The following CCDC148 variants were observed in gnomAD, a reference collection of about 807,000 sequenced individuals.
CCDC148 encodes the protein coiled-coil domain containing 148, also known as coiled-coil domain-containing protein 148.
A neutral mutation model predicts 85.7 loss-of-function variants in CCDC148; 89 were observed. The ratio of observed to expected loss-of-function variants is 1.04; its 90% CI spans 0.87 to 1.24. The LOEUF is 1.24. Among genes scored for constraint, CCDC148 ranks in the 50% most tolerant of loss-of-function variants. The probability of loss-of-function intolerance (pLI) is 0.00; values close to 1 mark genes in which losing one functional copy is unlikely to be tolerated. For missense variants in CCDC148, 692 were observed against 671.7 expected (o/e 1.03, Z -0.33); for synonymous variants, 230 against 213.9 (o/e 1.08, Z -0.66).
intron 11 of CCDC148, among the ~76,000 whole-genome samples, chr2:158,191,037 C>T (rs753747059): frequency 6.6e-6 from 1 of 151,938 alleles, no homozygotes; most frequent in East Asian, 1.9e-4. Flanking sequence ...TTTTTAACTT[C>T]GGCTACTTAT....
At chr2:158,294,277 T>G (rs1691064858) in intron 9 of CCDC148, among the ~76,000 whole-genome samples, 1 of 152,170 alleles carries the variant, frequency 6.6e-6, no homozygotes, top group African/African-American at 2.4e-5. Flanking sequence ...TTTTTGTTGC[T>G]GAGTAATATT....
intron 3 of CCDC148, among the ~76,000 whole-genome samples, chr2:158,342,260 C>G (rs1682753532): frequency 6.6e-6 from 1 of 151,890 alleles, no homozygotes; most frequent in Non-Finnish European, 1.5e-5. Context: ...AAACTCCTGA[C>G]CTCAGGTGAT....
chr2:158,358,011 C>G (rs989640750), intron 2 of CCDC148, among the ~76,000 whole-genome samples: 1 of 152,136 alleles, frequency 6.6e-6, no homozygotes, highest in Admixed American at 6.5e-5. Flanking sequence ...TAGGTTCACC[C>G]TGGCTTGGAA....
rs1397052470 is a variant in CCDC148, at chr2:158,309,531, G to A, written c.1012C>T (p.Leu338=). Residue 338 remains leucine (L), a synonymous_variant, in exon 9 of 14, where the codon CTG becomes TTG. Transcript: ENST00000283233. ...NKKDFIQKAV[L]TLTEACATHE... ...GTTGCACAAGCCTCAGTGAGTGTCA[G>A]CACAGCCTTCTGTATAAAGTCTTTC... 6.2e-7 allele frequency: 1 copy of A among 1,613,830 alleles called. No homozygotes were observed. Among genetic ancestry groups the A allele is most frequent in the East Asian group, 2.2e-5 (1 of 44,868 alleles).
At chr2:158,338,548 A>G in intron 7 of CCDC148, 178 bp downstream of exon 7, 1 of 516,756 alleles carries the variant, frequency 1.9e-6, no homozygotes, top group Non-Finnish European at 3.3e-6. Context: ...CTATTATGTC[A>G]AGAAATTTTT....
intron 1 of CCDC148, among the ~76,000 whole-genome samples, chr2:158,400,792 T>A (rs1264361107): frequency 1.3e-5 from 2 of 151,926 alleles, no homozygotes; most frequent in Non-Finnish European, 2.9e-5. Context: ...TGGGAGAAAA[T>A]TTTTGCAATC....
intron 7 of CCDC148, among the ~76,000 whole-genome samples, chr2:158,329,236 T>A (rs1692961774): frequency 6.6e-6 from 1 of 152,238 alleles, no homozygotes; most frequent in Non-Finnish European, 1.5e-5. Flanking sequence ...TACATATGGC[T>A]AGCCAGTTTT....
At chr2:158,224,727 A>G (rs944360078) in intron 10 of CCDC148, among the ~76,000 whole-genome samples, 4 of 152,328 alleles carry the variant, frequency 2.6e-5, no homozygotes, top group South Asian at 4.1e-4. Context: ...AAGGAGAAAT[A>G]ATATATTTTA....
Position 158,386,640 on chromosome 2 carries a change from A to G in CCDC148, c.26-28070T>C, listed in dbSNP as rs560912848. Among the ~76,000 whole-genome samples the G allele has an allele frequency of 5.9e-5, 9 of 152,200 alleles. No homozygotes were observed. In the East Asian group the frequency reaches 1.7e-3, roughly 29 times the overall value. On this transcript the variant is annotated intron_variant, in intron 1 of 13. Coordinates refer to ENST00000283233, the MANE Select transcript of CCDC148 (RefSeq NM_138803.4). Reference sequence around the variant, plus strand: ...AAACTCCATGATCTTTGGAACTATCATCTTTCCATAAATTCAACAACCAAG... The same window carrying G: ...AAACTCCATGATCTTTGGAACTATCGTCTTTCCATAAATTCAACAACCAAG...
At chr2:158,227,253 C>G (rs1436098317) in intron 10 of CCDC148, among the ~76,000 whole-genome samples, 1 of 150,324 alleles carries the variant, frequency 6.7e-6, no homozygotes, top group Non-Finnish European at 1.5e-5. Flanking sequence ...TTACAAGGGA[C>G]GTCAAGGACC....
intron 1 of CCDC148, among the ~76,000 whole-genome samples, chr2:158,400,343 A>ACTGGTACCAAAACAGCATGGTT (rs1685722664): frequency 6.6e-6 from 1 of 152,200 alleles, no homozygotes; most frequent in African/African-American, 2.4e-5. Flanking sequence ...ACAGCATGGT[A>ACTGGTACCAAAACAGCATGGTT]CTGGTACCAA....
At chr2:158,316,843 T>C (rs1692303949) in intron 7 of CCDC148, among the ~76,000 whole-genome samples, 2 of 152,190 alleles carry the variant, frequency 1.3e-5, no homozygotes, top group Non-Finnish European at 2.9e-5. Context: ...AGTAGTCTCA[T>C]CACAATAACA....
chr2:158,278,127 G>C (rs1690048965), intron 9 of CCDC148, among the ~76,000 whole-genome samples: 2 of 152,028 alleles, frequency 1.3e-5, no homozygotes, highest in Non-Finnish European at 1.5e-5. Context: ...AAATTTATTT[G>C]AAAATAAAAC....
chr2:158,248,117 T>G (rs1688642599), intron 10 of CCDC148, among the ~76,000 whole-genome samples: 1 of 151,714 alleles, frequency 6.6e-6, no homozygotes, highest in African/African-American at 2.4e-5. Flanking sequence ...CACTGCAGAA[T>G]GACATAGCAT....
chr2:158,204,308 C>T (rs1686119888), intron 11 of CCDC148, among the ~76,000 whole-genome samples: 1 of 152,118 alleles, frequency 6.6e-6, no homozygotes, highest in Non-Finnish European at 1.5e-5. Context: ...GATACTCCTC[C>T]TATTGAGAGT....
chr2:158,391,757 G>T (rs770002401), intron 1 of CCDC148, among the ~76,000 whole-genome samples: 1 of 152,142 alleles, frequency 6.6e-6, no homozygotes, highest in African/African-American at 2.4e-5. Flanking sequence ...AATTGTGTAA[G>T]TAAAGTTGTA....
intron 2 of CCDC148, among the ~76,000 whole-genome samples, chr2:158,349,080 T>C (rs113589997): frequency 0.05 from 7,584 of 152,076 alleles, 277 homozygotes; most frequent in Non-Finnish European, 0.08. Context: ...AAATTGTGCA[T>C]GATCAATGAC....
intron 9 of CCDC148, among the ~76,000 whole-genome samples, chr2:158,261,784 T>C (rs774703156): frequency 1.9e-4 from 29 of 151,998 alleles, no homozygotes; most frequent in Non-Finnish European, 4.1e-4. Flanking sequence ...CCCTGATCAT[T>C]AGAGAAATGC....
At chr2:158,282,768 GA>G (rs1199079008) in intron 9 of CCDC148, among the ~76,000 whole-genome samples, 3 of 152,162 alleles carry the variant, frequency 2.0e-5, no homozygotes, top group East Asian at 3.9e-4. Context: ...CACAGAATTG[GA>G]AAAAACTACT....
Sources: allele counts gnomAD v4.1 joint callset (sites outside exome capture counted in the v4.1 genomes callset), GRCh38; gene constraint gnomAD v4.1.1; transcripts MANE v1.5; gene names NCBI Gene and HGNC (gene_info 2026-07-23, HGNC 2026-07-21).